Variants in PDXDC1 observed in about 807,000 individuals in gnomAD.
PDXDC1 encodes the protein pyridoxal dependent decarboxylase domain containing 1.
PDXDC1 carries 42 observed loss-of-function variants against 100.1 expected under a neutral mutation model. The observed-to-expected ratio is 0.42, with a 90% confidence interval of 0.33 to 0.54. The LOEUF (loss-of-function observed/expected upper bound fraction) is 0.54, where lower values mean the gene tolerates loss of function less well. Among genes scored for constraint, PDXDC1 ranks in the 20% least tolerant of loss-of-function variants. PDXDC1 has a pLI of 0.10. For synonymous variants in PDXDC1, 260 were observed against 371.7 expected, an observed-to-expected ratio of 0.70 and a Z score of 3.46; for missense variants, 636 against 979.2, an observed-to-expected ratio of 0.65 and a Z score of 4.68.
At chr16:15,000,357 C>T in intron 3 of PDXDC1, among the ~76,000 whole-genome samples, 1 of 152,288 alleles carries the variant, frequency 6.6e-6, no homozygotes, top group Non-Finnish European at 1.5e-5. Context: ...TCCGGCTTGG[C>T]AAGTTGGAAT....
At chr16:15,123,119 T>C (rs1466303874) in intron 16 of PDXDC1, among the ~76,000 whole-genome samples, 3 of 149,620 alleles carry the variant, frequency 2.0e-5, no homozygotes, top group African/African-American at 7.4e-5. Flanking sequence ...GTCTGGGCCC[T>C]CCCTTAGCAA....
chr16:15,074,636 T>C, intron 16 of PDXDC1: 1 of 940,962 alleles, frequency 1.1e-6, no homozygotes, highest in East Asian at 2.8e-5. Context: ...GGATTTTTAG[T>C]ATTACTAGAG....
chr16:15,078,351 T>C lies in PDXDC1; in HGVS notation c.1399+48295T>C, dbSNP rs551807196. Among the ~76,000 whole-genome samples, 5 of 152,222 alleles carry C rather than the reference T, an allele frequency of 3.3e-5. No individual in the cohort carries two copies. In the South Asian group the frequency reaches 1.0e-3, roughly 32 times the overall value. ...TCTCTCCACTCCTAAACCACGCCTC[T>C]TAGCCCTGCTCCATCCCCTCCTTCC... On this transcript the variant is annotated intron_variant, in intron 16 of 16. Transcript: ENST00000535621.
intron 16 of PDXDC1, chr16:15,074,934 A>T: frequency 7.1e-7 from 1 of 1,403,666 alleles, no homozygotes; most frequent in Non-Finnish European, 9.7e-7. Flanking sequence ...AAACTGTCAT[A>T]AGTGATTATT....
chr16:14,981,395 G>T (rs1967949331), intron 1 of PDXDC1, among the ~76,000 whole-genome samples: 1 of 152,284 alleles, frequency 6.6e-6, no homozygotes, highest in Non-Finnish European at 1.5e-5. Flanking sequence ...AAAACAAACA[G>T]TGCCTGCTGT....
At chr16:15,002,055 C>A (rs1973280965) in intron 4 of PDXDC1, among the ~76,000 whole-genome samples, 199 bp downstream of exon 4, 1 of 152,192 alleles carries the variant, frequency 6.6e-6, no homozygotes, top group Non-Finnish European at 1.5e-5. Flanking sequence ...AAATTAGATC[C>A]CATAGTTTTT....
At chr16:15,068,171 T>C (rs1411206325) in intron 16 of PDXDC1, 3 of 1,569,554 alleles carry the variant, frequency 1.9e-6, no homozygotes, top group Admixed American at 1.8e-5. Flanking sequence ...TAACTTACTT[T>C]GTGATTGCAG....
At chr16:15,042,084 C>T (rs1038603901), downstream of PDXDC1, among the ~76,000 whole-genome samples, 2 of 152,114 alleles carry the variant, frequency 1.3e-5, no homozygotes, top group African/African-American at 2.4e-5. Context: ...ATAAGGAAGT[C>T]GGTTTTTAAT....
chr16:15,029,130 C>CGTAA, intron 15 of PDXDC1, 164 bp downstream of exon 15: 1 of 795,566 alleles, frequency 1.3e-6, no homozygotes, highest in South Asian at 1.6e-5. Flanking sequence ...ATTGCGTTAC[C>CGTAA]ACCTCACGAG....
At chr16:15,132,404 G>A (rs1388076776) in intron 16 of PDXDC1, among the ~76,000 whole-genome samples, 1 of 99,426 alleles carries the variant, frequency 1.0e-5, no homozygotes, top group African/African-American at 3.9e-5. Context: ...GGGGAGGGAA[G>A]GGGCAGGGGA....
At chr16:15,079,898 A>G (rs373326522) in intron 16 of PDXDC1, 2 of 1,314,956 alleles carry the variant, frequency 1.5e-6, no homozygotes, top group South Asian at 2.8e-5. Flanking sequence ...CGCCTGGCCA[A>G]GTGGATTCTT....
chr16:15,044,732 C>G (rs992375419), intron 16 of PDXDC1: 4 of 321,022 alleles, frequency 1.2e-5, no homozygotes, highest in Non-Finnish European at 2.3e-5. Context: ...ATCTGTAATC[C>G]TAGCACTTTG....
downstream of PDXDC1, chr16:15,041,699 A>G (rs367642054): frequency 3.2e-6 from 5 of 1,582,604 alleles, no homozygotes; most frequent in Non-Finnish European, 4.3e-6. Context: ...TTTTAAGACC[A>G]GAAGTCAGAA....
At chr16:15,042,691 A>AG (rs1278110184), downstream of PDXDC1, among the ~76,000 whole-genome samples, 5 of 151,420 alleles carry the variant, frequency 3.3e-5, no homozygotes, top group Non-Finnish European at 7.4e-5. Flanking sequence ...TATTTCCACA[A>AG]GGGGAATTAC....
intron 16 of PDXDC1, chr16:15,130,849 C>G: frequency 1.4e-6 from 1 of 733,060 alleles, no homozygotes; most frequent in Non-Finnish European, 2.4e-6. Context: ...CCGGGGGACA[C>G]CCACGATGGC....
At chr16:15,063,843 C>G (rs555310459) in intron 16 of PDXDC1, among the ~76,000 whole-genome samples, 1 of 152,060 alleles carries the variant, frequency 6.6e-6, no homozygotes, top group Non-Finnish European at 1.5e-5. Flanking sequence ...TTCATCTTTC[C>G]ATTTTCATGT....
chr16:15,035,654 C>T, intron 22 of PDXDC1, 101 bp downstream of exon 22: 1 of 651,994 alleles, frequency 1.5e-6, no homozygotes, highest in South Asian at 2.0e-5. Context: ...GTCTATTTCT[C>T]TTAAGACCAA....
chr16:15,005,143 G>A (rs901972446), intron 5 of PDXDC1, among the ~76,000 whole-genome samples: 1 of 152,266 alleles, frequency 6.6e-6, no homozygotes, highest in Admixed American at 6.5e-5. Context: ...CGGATCACAA[G>A]GTGAGGAGAT....
In PDXDC1 at chr16:15,036,184, A is replaced by C; in HGVS notation, c.2276A>C (p.Gln759Pro). The C allele has an allele frequency of 6.2e-7, 1 of 1,614,182 alleles. No individual in the cohort carries two copies. Among genetic ancestry groups the C allele is most frequent in the African/African-American group, 1.3e-5 (1 of 75,066 alleles). ...GGACACCCAGGGGCTCCCAGCCCTC[A>C]GCACACCGACCAGACCGAGGCCTTC... The part of the protein sequence containing the change: ...TEGHPGAPSP[Q>P]HTDQTEAFQK... The change falls in exon 23 of 23, where the codon CAG becomes CCG. Residue 759 changes from glutamine (Q) to proline (P), a missense_variant. Around this residue, in one of 4 missense-constraint regions of PDXDC1, gnomAD observed 452 missense variants for 402.9 expected, o/e 1.12. Coordinates refer to ENST00000396410, the MANE Select transcript of PDXDC1 (RefSeq NM_015027.4).
Sources: gnomAD v4.1 joint callset for allele counts (sites outside exome capture counted in the v4.1 genomes callset) on GRCh38, gnomAD v4.1.1 for gene constraint, gnomAD v4.1.1 regional missense constraint, MANE v1.5 for transcripts, NCBI Gene and HGNC (gene_info 2026-07-23, HGNC 2026-07-21) for gene names.